The following HCN1 variants were observed in gnomAD, a reference collection of about 807,000 sequenced individuals.
The protein encoded by HCN1 is potassium/sodium hyperpolarization-activated cyclic nucleotide-gated channel 1.
In HCN1, 13 loss-of-function variants were observed where a neutral mutation model predicts 78.9. The ratio of observed to expected loss-of-function variants is 0.16; its 90% confidence interval spans 0.11 to 0.26. HCN1 has a LOEUF of 0.26. Among genes scored for constraint, HCN1 ranks in the 10% least tolerant of loss-of-function variants. The pLI is 1.00. For missense variants in HCN1, 810 were observed against 1,154.3 expected, an observed-to-expected ratio of 0.70 and a Z score of 4.32; for synonymous variants, 552 against 455.5, an observed-to-expected ratio of 1.21 and a Z score of -2.70.
intron 2 of HCN1, among the ~76,000 whole-genome samples, chr5:45,500,601 C>T (rs926810766): frequency 1.3e-5 from 2 of 152,028 alleles, no homozygotes; most frequent in African/African-American, 4.8e-5. Context: ...GTTTAAATAA[C>T]CCATAATATC....
chr5:45,449,994 G>A (rs948623533), intron 3 of HCN1, among the ~76,000 whole-genome samples: 1 of 152,036 alleles, frequency 6.6e-6, no homozygotes. Context: ...CACCACGTCC[G>A]GCTAATTTTT....
chr5:45,375,067 T>A (rs1019712599), intron 4 of HCN1, among the ~76,000 whole-genome samples: 3 of 124,280 alleles, frequency 2.4e-5, no homozygotes, highest in Non-Finnish European at 3.2e-5. Flanking sequence ...TATATATATA[T>A]AATATATTAT....
intron 2 of HCN1, among the ~76,000 whole-genome samples, chr5:45,607,940 A>T (rs915263446): frequency 6.6e-6 from 1 of 151,982 alleles, no homozygotes; most frequent in East Asian, 1.9e-4. Flanking sequence ...CAAAACTCTA[A>T]TTAGCCACAG....
At chr5:45,402,239 A>G (rs983842117) in intron 3 of HCN1, among the ~76,000 whole-genome samples, 7 of 152,176 alleles carry the variant, frequency 4.6e-5, no homozygotes, top group African/African-American at 7.2e-5. Flanking sequence ...CGGGAAGCCA[A>G]TGAAAACTTG....
At chr5:45,495,733 G>C (rs1319063321) in intron 2 of HCN1, among the ~76,000 whole-genome samples, 2 of 152,116 alleles carry the variant, frequency 1.3e-5, no homozygotes, top group East Asian at 3.9e-4. Context: ...TATTGGCTGT[G>C]GGTTTGTCAT....
At chr5:45,564,314 G>A (rs1439305914) in intron 2 of HCN1, among the ~76,000 whole-genome samples, 1 of 150,926 alleles carries the variant, frequency 6.6e-6, no homozygotes, top group Non-Finnish European at 1.5e-5. Flanking sequence ...AGGTTGGAGT[G>A]CAGTGGCGCC....
At chr5:45,606,292 C>A (rs78229044) in intron 2 of HCN1, among the ~76,000 whole-genome samples, 26 of 151,912 alleles carry the variant, frequency 1.7e-4, no homozygotes, top group Non-Finnish European at 2.7e-4. Context: ...TGGTACAGAA[C>A]AGATTGTGTG....
chr5:45,578,411 A>G (rs1441533625), intron 2 of HCN1, among the ~76,000 whole-genome samples: 3 of 151,416 alleles, frequency 2.0e-5, no homozygotes, highest in Non-Finnish European at 4.4e-5. Flanking sequence ...CATATTGTTT[A>G]TTTTCTGTTG....
intron 5 of HCN1, among the ~76,000 whole-genome samples, chr5:45,307,301 C>T (rs1745756100): frequency 6.6e-6 from 1 of 152,064 alleles, no homozygotes; most frequent in Non-Finnish European, 1.5e-5. Flanking sequence ...AGCACTCCTG[C>T]CTCAAAAAGT....
chr5:45,406,431 C>T (rs1029950121), intron 3 of HCN1, among the ~76,000 whole-genome samples: 1 of 152,098 alleles, frequency 6.6e-6, no homozygotes, highest in Non-Finnish European at 1.5e-5. Context: ...CATTGCTCTT[C>T]TTAACAGTGA....
chr5:45,540,894 A>G (rs1400404590), intron 2 of HCN1, among the ~76,000 whole-genome samples: 3 of 152,158 alleles, frequency 2.0e-5, no homozygotes, highest in Admixed American at 6.5e-5. Context: ...ATGTTCTTAA[A>G]ATTTACAAAG....
At chr5:45,440,036 T>C (rs1740641249) in intron 3 of HCN1, among the ~76,000 whole-genome samples, 1 of 148,926 alleles carries the variant, frequency 6.7e-6, no homozygotes, top group Non-Finnish European at 1.5e-5. Flanking sequence ...TAATGTAATG[T>C]ACTATTATTA....
intron 1 of HCN1, among the ~76,000 whole-genome samples, chr5:45,693,575 A>T (rs1031145146): frequency 6.6e-6 from 1 of 152,142 alleles, no homozygotes; most frequent in African/African-American, 2.4e-5. Context: ...CCTGATTTCA[A>T]TTTGTTCCTT....
chr5:45,443,327 T>C (rs1231203441), intron 3 of HCN1, among the ~76,000 whole-genome samples: 2 of 152,094 alleles, frequency 1.3e-5, no homozygotes, highest in Non-Finnish European at 2.9e-5. Flanking sequence ...TTTGAACTTT[T>C]GTACATCAAA....
chr5:45,365,629 C>G (rs771210424), intron 4 of HCN1, among the ~76,000 whole-genome samples: 36 of 151,874 alleles, frequency 2.4e-4, no homozygotes, highest in Admixed American at 4.6e-4. Flanking sequence ...TTTGTCATTG[C>G]GAATAGGGCT....
intron 6 of HCN1, among the ~76,000 whole-genome samples, chr5:45,294,788 A>G (rs888457593): frequency 6.6e-6 from 1 of 152,064 alleles, no homozygotes; most frequent in Non-Finnish European, 1.5e-5. Flanking sequence ...ATTAAATAAA[A>G]GGGCCATGGA....
intron 5 of HCN1, among the ~76,000 whole-genome samples, chr5:45,320,105 A>G (rs570527130): frequency 7.2e-5 from 11 of 151,926 alleles, no homozygotes; most frequent in African/African-American, 2.4e-4. Flanking sequence ...AAATTTCTAC[A>G]CTCCAACACA....
chr5:45,452,860 G>T (rs186339013), intron 3 of HCN1, among the ~76,000 whole-genome samples: 1 of 151,970 alleles, frequency 6.6e-6, no homozygotes, highest in Non-Finnish European at 1.5e-5. Context: ...AAAATGATGG[G>T]TTATACAATG....
chr5:45,367,684 G>A (rs530743432), intron 4 of HCN1, among the ~76,000 whole-genome samples: 1 of 151,972 alleles, frequency 6.6e-6, no homozygotes, highest in South Asian at 2.1e-4. Context: ...GGTCACCATC[G>A]TAACTTCCAA....
Sources: gnomAD v4.1 joint callset for allele counts (sites outside exome capture counted in the v4.1 genomes callset) on GRCh38, gnomAD v4.1.1 for gene constraint, MANE v1.5 for transcripts, NCBI Gene and HGNC (gene_info 2026-07-23, HGNC 2026-07-21) for gene names.